Variants in AP4E1 observed in about 807,000 individuals in gnomAD.
AP4E1 encodes the protein AP-4 complex subunit epsilon-1.
A neutral mutation model predicts 128.2 loss-of-function variants in AP4E1; 56 were observed. The observed-to-expected ratio is 0.44, with a 90% confidence interval of 0.35 to 0.55. The LOEUF is 0.55. Among genes scored for constraint, AP4E1 ranks in the 20% least tolerant of loss-of-function variants. AP4E1 has a pLI of 0.00. For missense variants in AP4E1, 1,324 were observed against 1,307.7 expected (o/e 1.01, Z -0.19); for synonymous variants, 484 against 473.1 (o/e 1.02, Z -0.30).
At chr15:50,973,479 T>C (rs2064510883) in intron 15 of AP4E1, among the ~76,000 whole-genome samples, 1 of 152,242 alleles carries the variant, frequency 6.6e-6, no homozygotes, top group Non-Finnish European at 1.5e-5. Flanking sequence ...TAATACGTTA[T>C]GATTGACTGT....
intron 10 of AP4E1, chr15:50,945,293 C>G: frequency 1.3e-6 from 1 of 782,060 alleles, no homozygotes; most frequent in South Asian, 1.3e-5. Flanking sequence ...AGACATTTCT[C>G]TTGGGAAGTT....
intron 10 of AP4E1, 135 bp from the exon 11 acceptor site, chr15:50,947,885 A>G: frequency 1.4e-6 from 1 of 692,008 alleles, no homozygotes; most frequent in Non-Finnish European, 2.4e-6. Flanking sequence ...TGCATTTCTT[A>G]CCTGTTAACT....
chr15:50,916,504 A>G (rs774187682), intron 3 of AP4E1, among the ~76,000 whole-genome samples: 16 of 152,226 alleles, frequency 1.1e-4, no homozygotes, highest in Non-Finnish European at 2.1e-4. Context: ...GTATTTTAGA[A>G]TAGTAAAGGT....
Position 50,942,513 on chromosome 15 carries a change from A to G in AP4E1, c.1176+738A>G, listed in dbSNP as rs537210605. ...AATTAATTTCCTACCAAATAGATAG[A>G]AATATTGAAAGAATTAATGAAGATA... On this transcript the variant is annotated intron_variant, in intron 10 of 20. Transcript: ENST00000261842. Among the ~76,000 whole-genome samples the G allele has an allele frequency of 5.9e-5, 9 of 151,828 alleles. No homozygotes were observed. In the South Asian group the frequency reaches 1.9e-3, roughly 31 times the overall value.
chr15:50,992,542 A>AC (rs1595579226), intron 16 of AP4E1, among the ~76,000 whole-genome samples: 1 of 152,180 alleles, frequency 6.6e-6, no homozygotes, highest in African/African-American at 2.4e-5. Flanking sequence ...CACAACTGCA[A>AC]CTTTTGTGAC....
chr15:50,918,618 C>T (rs1028764694), intron 3 of AP4E1, among the ~76,000 whole-genome samples: 2 of 151,924 alleles, frequency 1.3e-5, no homozygotes, highest in Non-Finnish European at 2.9e-5. Context: ...CCCAGTCTTC[C>T]CTTTACCCTC....
Position 50,999,106 on chromosome 15 carries a change from T to C in AP4E1, c.2939T>C (p.Met980Thr), listed in dbSNP as rs1206388270. 1.4e-5 allele frequency: 23 copies of C among 1,614,046 alleles called. No homozygotes were observed. Among genetic ancestry groups the C allele is most frequent in the Non-Finnish European group, 1.7e-5 (20 of 1,179,960 alleles). ...TEQPGCCLPV[M>T]EAESTKSFQY... is the part of the protein sequence containing the mutation. ...CAACCTGGATGCTGTTTGCCTGTAA[T>C]GGAAGCAGAAAGCACCAAAAGCTTT... The change falls in exon 19 of 21, where the codon ATG becomes ACG. Residue 980 changes from methionine to threonine, a missense_variant. Physicochemically the swap from Met to Thr is moderately conservative, Grantham distance 81. Transcript: ENST00000261842.
At chr15:50,986,548 T>C (rs1310103283) in intron 16 of AP4E1, among the ~76,000 whole-genome samples, 2 of 152,232 alleles carry the variant, frequency 1.3e-5, no homozygotes, top group Non-Finnish European at 2.9e-5. Context: ...AGGCCTTTTC[T>C]GCATCTATTG....
At position 50,984,136 on chromosome 15, in the gene AP4E1, G is replaced by A. The variant is rs1306823766; in HGVS notation, c.2081G>A (p.Gly694Glu). ...SDVSGNSAET[G>E]LKETNSLKLE... is the part of the protein sequence containing the mutation. ...GTATCTGGGAATAGTGCTGAGACAG[G>A]ACTGAAAGAGTAAGTTCATTTCTTA... The change falls in exon 16 of 21, where the codon GGA becomes GAA. Residue 694 changes from glycine to glutamate, a missense_variant. Physicochemically the swap from Gly to Glu is moderately conservative, Grantham distance 98. Coordinates refer to ENST00000261842, the MANE Select transcript of AP4E1 (RefSeq NM_007347.5). 6.2e-7 allele frequency: 1 copy of A among 1,613,130 alleles called. No individual in the cohort carries two copies. Among genetic ancestry groups the A allele is most frequent in the Non-Finnish European group, 8.5e-7 (1 of 1,179,334 alleles).
intron 15 of AP4E1, among the ~76,000 whole-genome samples, chr15:50,980,104 C>G (rs901795592): frequency 1.3e-5 from 2 of 152,134 alleles, no homozygotes; most frequent in Non-Finnish European, 2.9e-5. Flanking sequence ...ATTAAGTGTT[C>G]ATGATCAGAA....
At chr15:50,926,747 C>T (rs375984605) in intron 5 of AP4E1, among the ~76,000 whole-genome samples, 4 of 151,902 alleles carry the variant, frequency 2.6e-5, no homozygotes, top group Admixed American at 6.6e-5. Context: ...TACAGGCGCC[C>T]GCCACTATGC....
chr15:50,930,368 C>T (rs1395185524), intron 6 of AP4E1, among the ~76,000 whole-genome samples: 3 of 145,046 alleles, frequency 2.1e-5, no homozygotes, highest in Admixed American at 7.1e-5. Flanking sequence ...TGCCCGGCCC[C>T]AGAATGAATT....
chr15:50,920,472 C>G lies in AP4E1; in HGVS notation c.347-3459C>G, dbSNP rs1211011261. 2.0e-5 allele frequency among the ~76,000 whole-genome samples: 3 copies of G among 147,830 alleles called. No individual in the cohort carries two copies. The East Asian group carries it at 6.1e-4, about 30-fold the overall frequency. ...CCTAGGCTGGAGTATGGTGGCGCCA[C>G]CTCGGTTCACTGCAGCCTCCGCCTC... On this transcript the variant is annotated intron_variant, in intron 3 of 20. Transcript: ENST00000261842.
intron 15 of AP4E1, among the ~76,000 whole-genome samples, chr15:50,973,750 T>A (rs1422701112): frequency 6.6e-6 from 1 of 152,236 alleles, no homozygotes; most frequent in Non-Finnish European, 1.5e-5. Context: ...AGAATTTTCT[T>A]CGTTTTCAAA....
At chr15:50,977,024 C>T (rs2064561391) in intron 15 of AP4E1, among the ~76,000 whole-genome samples, 1 of 152,092 alleles carries the variant, frequency 6.6e-6, no homozygotes. Flanking sequence ...AAAGTGTAAT[C>T]AGTTTCCTCT....
intron 15 of AP4E1, among the ~76,000 whole-genome samples, chr15:50,983,225 T>G (rs990534100): frequency 6.6e-6 from 1 of 152,222 alleles, no homozygotes; most frequent in African/African-American, 2.4e-5. Context: ...TGTTCCACTT[T>G]ATGATCCAAG....
upstream of AP4E1, among the ~76,000 whole-genome samples, chr15:50,907,674 G>C (rs1325576547): frequency 6.6e-6 from 1 of 152,174 alleles, no homozygotes; most frequent in Non-Finnish European, 1.5e-5. Context: ...TTACCAGCTA[G>C]TCAATCGTCA....
At chr15:50,911,796 A>T (rs1285981829) in intron 1 of AP4E1, among the ~76,000 whole-genome samples, 1 of 152,170 alleles carries the variant, frequency 6.6e-6, no homozygotes, top group Non-Finnish European at 1.5e-5. Flanking sequence ...TAGTTTTAAA[A>T]AAAAACATTT....
At chr15:50,938,935 CTTAA>C (rs970609384) in intron 8 of AP4E1, among the ~76,000 whole-genome samples, 1 of 152,134 alleles carries the variant, frequency 6.6e-6, no homozygotes, top group African/African-American at 2.4e-5. Context: ...ACTTATTTAA[CTTAA>C]TTAAAGTGAG....
Sources: gnomAD v4.1 joint callset for allele counts (sites outside exome capture counted in the v4.1 genomes callset) on GRCh38, gnomAD v4.1.1 for gene constraint, MANE v1.5 for transcripts, NCBI Gene and HGNC (gene_info 2026-07-23, HGNC 2026-07-21) for gene names.